The following TTK variants were observed in gnomAD, a reference collection of about 807,000 sequenced individuals.
TTK encodes the protein dual specificity protein kinase TTK.
TTK carries 59 observed loss-of-function variants against 117.3 expected under a neutral mutation model. That is an observed-to-expected ratio of 0.50 (90% confidence interval 0.41 to 0.62). The LOEUF is 0.62. Among genes scored for constraint, TTK ranks in the 20% least tolerant of loss-of-function variants. TTK has a pLI of 0.00. For missense variants in TTK, 921 were observed against 989.4 expected, an observed-to-expected ratio of 0.93 and a Z score of 0.93; for synonymous variants, 302 against 325.0, an observed-to-expected ratio of 0.93 and a Z score of 0.76.
At position 80,042,390 on chromosome 6, in the gene TTK, G is replaced by A. The variant is rs1482793827; in HGVS notation, c.*188G>A. ...AACCACTTATGGCACTGTATATATT[G>A]TAGACTTGTTTTCTCTGTTTTATGC... On this transcript the variant is annotated 3_prime_UTR_variant, in exon 22 of 22. Transcript: ENST00000369798. The A allele has an allele frequency of 5.4e-6, 2 of 367,696 alleles. No individual in the cohort carries two copies. The highest frequency in any genetic ancestry group is 1.0e-5 in the Non-Finnish European group (2 of 199,032). 22.8% of individuals were successfully genotyped at this position (367,696 alleles called of 1,614,324 possible).
chr6:80,007,782 G>C, intron 2 of TTK, 27 bp from the exon 3 acceptor site: 1 of 1,561,854 alleles, frequency 6.4e-7, no homozygotes, highest in Non-Finnish European at 8.7e-7. Flanking sequence ...GTCTTTTCTT[G>C]TGATATATTT....
At chr6:80,014,824 GT>G (rs1224946357) in intron 10 of TTK, among the ~76,000 whole-genome samples, 4 of 152,014 alleles carry the variant, frequency 2.6e-5, no homozygotes, top group Non-Finnish European at 5.9e-5. Flanking sequence ...ATGGAACTGA[GT>G]TTTTTTTCTC....
At chr6:80,039,404 T>C (rs1673713791) in intron 18 of TTK, among the ~76,000 whole-genome samples, 1 of 151,600 alleles carries the variant, frequency 6.6e-6, no homozygotes, top group South Asian at 2.1e-4. Context: ...ACTTAAAACT[T>C]ACATTTTTTA....
In TTK at chr6:80,027,977, A is replaced by G. The variant is rs772325809; in HGVS notation, c.1487A>G (p.His496Arg). ...CCTGCCTGTTTCCAGCAGCAACAGC[A>G]TCAAATACTTGCCACTCCACTTCAA... ...GQPACFQQQQ[H>R]QILATPLQNL... Residue 496 changes from histidine to arginine, a missense_variant, in exon 13 of 22, where the codon CAT (histidine) becomes CGT (arginine). Transcript: ENST00000369798. 4 of 1,606,460 alleles carry G rather than the reference A, an allele frequency of 2.5e-6. No individual in the cohort carries two copies. In the South Asian group the frequency reaches 3.3e-5, roughly 13 times the overall value.
chr6:80,021,349 C>T lies in TTK; in HGVS notation c.1109-975C>T, dbSNP rs148890275. ...GGTAGCCTGAGTGGGTGAGCCTTGG[C>T]CTGCTCCCACAGCCAATTGCTCCAC... On this transcript the variant is annotated intron_variant, in intron 10 of 21. Coordinates refer to ENST00000369798, the MANE Select transcript of TTK (RefSeq NM_003318.5). 1.7e-4 allele frequency among the ~76,000 whole-genome samples: 26 copies of T among 152,292 alleles called. No individual in the cohort carries two copies. The East Asian group carries it at 5.0e-3, about 29-fold the overall frequency.
intron 10 of TTK, 124 bp downstream of exon 10, chr6:80,014,710 ATT>A: frequency 9.5e-7 from 1 of 1,051,156 alleles, no homozygotes; most frequent in African/African-American, 1.6e-5. Flanking sequence ...TTTATCTTGA[ATT>A]TCCGTTCAGT....
At chr6:80,014,789 A>G (rs553984928) in intron 10 of TTK, among the ~76,000 whole-genome samples, 2 of 152,306 alleles carry the variant, frequency 1.3e-5, no homozygotes, top group Middle Eastern at 6.8e-3. Flanking sequence ...AAGGTGCATA[A>G]AAGAAAGAGT....
intron 20 of TTK, 55 bp from the exon 21 acceptor site, chr6:80,040,551 C>A: frequency 1.4e-6 from 2 of 1,481,308 alleles, no homozygotes; most frequent in Non-Finnish European, 1.9e-6. Context: ...TGTGTATTTA[C>A]AATGGACTTA....
At chr6:80,040,514 AAT>A in intron 20 of TTK, 90 bp from the exon 21 acceptor site, 1 of 1,117,234 alleles carries the variant, frequency 9.0e-7, no homozygotes, top group East Asian at 2.6e-5. Flanking sequence ...AAATTATAAG[AAT>A]ATCACTTTGT....
intron 14 of TTK, among the ~76,000 whole-genome samples, chr6:80,033,026 T>C (rs1459692999): frequency 2.6e-5 from 4 of 152,188 alleles, no homozygotes; most frequent in Non-Finnish European, 5.9e-5. Flanking sequence ...AATATCCAAT[T>C]ATTATTTTCA....
intron 10 of TTK, among the ~76,000 whole-genome samples, 167 bp downstream of exon 10, chr6:80,014,753 G>A (rs889246303): frequency 2.6e-5 from 4 of 152,088 alleles, no homozygotes; most frequent in Non-Finnish European, 4.4e-5. Context: ...TACTGAATCC[G>A]CAGCAAAGGA....
chr6:80,024,358 A>T (rs549674354), intron 11 of TTK, among the ~76,000 whole-genome samples: 3 of 152,366 alleles, frequency 2.0e-5, no homozygotes, highest in African/African-American at 7.2e-5. Context: ...ATAACAAAAT[A>T]TCCAACCGAT....
intron 18 of TTK, 80 bp from the exon 19 acceptor site, chr6:80,039,616 A>C (rs1409818532): frequency 5.8e-6 from 6 of 1,036,362 alleles, no homozygotes; most frequent in Non-Finnish European, 6.5e-6. Flanking sequence ...GATTTTAAAT[A>C]TGTATATTTA....
At chr6:80,015,685 T>C (rs945333039) in intron 10 of TTK, among the ~76,000 whole-genome samples, 1 of 152,292 alleles carries the variant, frequency 6.6e-6, no homozygotes, top group African/African-American at 2.4e-5. Flanking sequence ...ATTGAGAAAA[T>C]CATCTTTATC....
In TTK at chr6:80,013,353, T is replaced by C; in HGVS notation, c.971T>C (p.Leu324Ser). The change falls in exon 9 of 22, where the codon TTA becomes TCA. Residue 324 changes from leucine (L) to serine (S), a missense_variant. Physicochemically the swap from Leu to Ser is moderately radical, Grantham distance 145. Transcript: ENST00000369798. Reference protein sequence around the residue: ...SKPSGNDSCELRNLKSVQNSH... With the variant: ...SKPSGNDSCESRNLKSVQNSH... ...CCAAGTGGAAATGATTCCTGTGAAT[T>C]AAGAAATTTAAAGGTATTTTAATTC... 6.3e-7 allele frequency: 1 copy of C among 1,597,418 alleles called. No individual in the cohort carries two copies. Among genetic ancestry groups the C allele is most frequent in the Non-Finnish European group, 8.5e-7 (1 of 1,174,742 alleles).
At chr6:80,031,611 G>GT (rs771096836) in intron 14 of TTK, 52 bp downstream of exon 14, 4 of 1,361,980 alleles carry the variant, frequency 2.9e-6, no homozygotes, top group African/African-American at 1.6e-5. Flanking sequence ...TAAACTTTCT[G>GT]TTTTTTTGTC....
chr6:80,032,367 C>T (rs1281808645), intron 14 of TTK, among the ~76,000 whole-genome samples: 1 of 152,062 alleles, frequency 6.6e-6, no homozygotes, highest in African/African-American at 2.4e-5. Context: ...AGCACTGCTC[C>T]GGGCTTAGTC....
chr6:80,035,910 T>C (rs1340689819), intron 16 of TTK, among the ~76,000 whole-genome samples: 2 of 152,054 alleles, frequency 1.3e-5, no homozygotes, highest in Admixed American at 1.3e-4. Context: ...ATCCTATATA[T>C]TTTTTTGTTC....
At chr6:80,030,057 G>A (rs73747984) in intron 13 of TTK, among the ~76,000 whole-genome samples, 4 of 152,068 alleles carry the variant, frequency 2.6e-5, no homozygotes, top group African/African-American at 7.2e-5. Flanking sequence ...TATAGACAAT[G>A]TATCTCAATC....
Sources: allele counts gnomAD v4.1 joint callset (sites outside exome capture counted in the v4.1 genomes callset), GRCh38; gene constraint gnomAD v4.1.1; transcripts MANE v1.5; gene names NCBI Gene and HGNC (gene_info 2026-07-23, HGNC 2026-07-21).